Variants in COMMD10 observed in about 807,000 individuals in gnomAD.
The protein encoded by COMMD10 is COMM domain containing 10.
A neutral mutation model predicts 28.9 loss-of-function variants in COMMD10; 33 were observed. The ratio of observed to expected loss-of-function variants is 1.14; its 90% CI spans 0.87 to 1.53. The LOEUF is 1.53. Among genes scored for constraint, COMMD10 ranks in the 40% most tolerant of loss-of-function variants. COMMD10 has a pLI of 0.00. For missense variants in COMMD10, 310 were observed against 233.4 expected (o/e 1.33, Z -2.14); for synonymous variants, 110 against 81.7 (o/e 1.35, Z -1.87).
At chr5:116,193,643 C>G (rs1014982096) in intron 5 of COMMD10, among the ~76,000 whole-genome samples, 11 of 152,042 alleles carry the variant, frequency 7.2e-5, no homozygotes, top group Admixed American at 1.3e-4. Flanking sequence ...ACATATGCAC[C>G]TAACACTGGA....
intron 5 of COMMD10, among the ~76,000 whole-genome samples, chr5:116,173,777 G>T (rs1399959634): frequency 6.6e-6 from 1 of 151,468 alleles, no homozygotes; most frequent in Non-Finnish European, 1.5e-5. Flanking sequence ...AAAGCATTGG[G>T]TATCACCTTC....
chr5:116,162,597 T>A (rs762433155), intron 5 of COMMD10, among the ~76,000 whole-genome samples: 7 of 152,224 alleles, frequency 4.6e-5, no homozygotes, highest in African/African-American at 1.7e-4. Flanking sequence ...TTATCATTTA[T>A]CATTCTCTAT....
At chr5:116,231,950 C>A (rs1199452833) in intron 5 of COMMD10, among the ~76,000 whole-genome samples, 2 of 152,050 alleles carry the variant, frequency 1.3e-5, no homozygotes, top group African/African-American at 2.4e-5. Context: ...TACTTCTGAA[C>A]TGAATGATAC....
rs1113805 is a variant in COMMD10, at chr5:116,166,003, G to C, written c.510+31825G>C. On this transcript the variant is annotated intron_variant, in intron 5 of 6. Transcript: ENST00000274458. ...TGGTAACATGAATTGAGGTGGGTCA[G>C]CTATGGTGGCAGACTCACTAAGAGT... Among the ~76,000 whole-genome samples, 437 of 152,202 alleles carry C rather than the reference G, an allele frequency of 2.9e-3. 2 individuals are homozygous for C. Among genetic ancestry groups the C allele is most frequent in the African/African-American group, 0.01 (416 of 41,534 alleles).
intron 5 of COMMD10, among the ~76,000 whole-genome samples, chr5:116,224,072 A>G (rs1329846378): frequency 1.3e-5 from 2 of 152,128 alleles, no homozygotes; most frequent in Non-Finnish European, 1.5e-5. Flanking sequence ...CATCTCTTGG[A>G]CTATTCATTT....
chr5:116,118,399 G>C (rs918793127), intron 4 of COMMD10, among the ~76,000 whole-genome samples: 2 of 152,156 alleles, frequency 1.3e-5, no homozygotes, highest in African/African-American at 4.8e-5. Context: ...GTCTTTGGGA[G>C]ATAGTAGAGT....
intron 4 of COMMD10, among the ~76,000 whole-genome samples, chr5:116,095,306 T>C (rs932026129): frequency 2.0e-5 from 3 of 152,144 alleles, no homozygotes; most frequent in Non-Finnish European, 4.4e-5. Context: ...GCAAAAATAT[T>C]ATGTATTGAT....
intron 5 of COMMD10, among the ~76,000 whole-genome samples, chr5:116,150,297 T>C (rs939107871): frequency 4.6e-5 from 7 of 152,194 alleles, no homozygotes; most frequent in African/African-American, 1.7e-4. Context: ...GTGTGATGCC[T>C]CCAGCTTTTT....
At chr5:116,204,489 G>T (rs566528975) in intron 5 of COMMD10, among the ~76,000 whole-genome samples, 1 of 151,268 alleles carries the variant, frequency 6.6e-6, no homozygotes, top group Non-Finnish European at 1.5e-5. Flanking sequence ...GTTCCTGATG[G>T]TACTGAATAT....
At chr5:116,146,336 C>G (rs1176529792) in intron 5 of COMMD10, among the ~76,000 whole-genome samples, 1 of 151,686 alleles carries the variant, frequency 6.6e-6, no homozygotes, top group Non-Finnish European at 1.5e-5. Flanking sequence ...CATAATGAGC[C>G]CATTACCCCA....
intron 1 of COMMD10, among the ~76,000 whole-genome samples, chr5:116,086,845 C>G (rs1209114413): frequency 6.6e-6 from 1 of 152,062 alleles, no homozygotes; most frequent in Non-Finnish European, 1.5e-5. Flanking sequence ...AGCGCTGTGG[C>G]CCGCGCATGT....
At chr5:116,264,278 T>G (rs1750524526) in intron 5 of COMMD10, among the ~76,000 whole-genome samples, 1 of 151,854 alleles carries the variant, frequency 6.6e-6, no homozygotes, top group Non-Finnish European at 1.5e-5. Context: ...TTTGTTAAAC[T>G]GTAATTCAGG....
chr5:116,191,931 A>G (rs1169517600), intron 5 of COMMD10, among the ~76,000 whole-genome samples: 5 of 143,724 alleles, frequency 3.5e-5, no homozygotes, highest in Non-Finnish European at 7.7e-5. Context: ...ACTCCACTGG[A>G]ACAGGTGCTG....
In COMMD10 at chr5:116,251,286, A is replaced by AT. The variant is rs1262321612; in HGVS notation, c.511-40228dup. ...TTTCTTTTTATTTATTTATTTATTTATTTATTTATTTATTTATTATTATAC... is the reference window on the plus strand; with the variant it reads ...TTTCTTTTTATTTATTTATTTATTTATTTTATTTATTTATTTATTATTATAC... On this transcript the variant is annotated intron_variant, in intron 5 of 6. Coordinates refer to ENST00000274458, the MANE Select transcript of COMMD10 (RefSeq NM_016144.4). Among the ~76,000 whole-genome samples the AT allele has an allele frequency of 3.0e-3, 385 of 128,740 alleles. 4 individuals carry two copies. Among genetic ancestry groups the AT allele is most frequent in the African/African-American group, 0.011 (360 of 33,198 alleles). The allele number at this position is 128,740 out of a possible 152,430, so 84.5% of individuals were successfully genotyped here. A position where few individuals can be genotyped will look rare whatever the true frequency, so the allele number is the denominator to read the frequency against.
At chr5:116,221,489 T>G (rs1749254472) in intron 5 of COMMD10, among the ~76,000 whole-genome samples, 1 of 152,220 alleles carries the variant, frequency 6.6e-6, no homozygotes, top group African/African-American at 2.4e-5. Context: ...ATCTTATTAC[T>G]GAGGATACTC....
intron 5 of COMMD10, among the ~76,000 whole-genome samples, chr5:116,257,195 A>C (rs916895518): frequency 2.2e-5 from 3 of 136,710 alleles, no homozygotes; most frequent in Admixed American, 6.8e-5. Flanking sequence ...GCAACCCATC[A>C]CATAAGGCCA....
intron 5 of COMMD10, among the ~76,000 whole-genome samples, chr5:116,219,324 AG>A (rs1349727081): frequency 1.3e-5 from 2 of 152,070 alleles, no homozygotes; most frequent in Non-Finnish European, 2.9e-5. Flanking sequence ...CCATTTTAGT[AG>A]TAGTGCAGTA....
At chr5:116,203,646 C>T (rs1474858677) in intron 5 of COMMD10, among the ~76,000 whole-genome samples, 2 of 151,990 alleles carry the variant, frequency 1.3e-5, no homozygotes, top group Non-Finnish European at 2.9e-5. Context: ...AACTAAGCTT[C>T]ATGAGTGAAG....
At chr5:116,201,245 C>G (rs183335432) in intron 5 of COMMD10, among the ~76,000 whole-genome samples, 12 of 152,136 alleles carry the variant, frequency 7.9e-5, no homozygotes, top group Non-Finnish European at 1.8e-4. Context: ...ACAGAGTGAT[C>G]CGGCATATTT....
Sources: allele counts gnomAD v4.1 joint callset (sites outside exome capture counted in the v4.1 genomes callset), GRCh38; gene constraint gnomAD v4.1.1; transcripts MANE v1.5; gene names NCBI Gene and HGNC (gene_info 2026-07-23, HGNC 2026-07-21).